SPATA13: variants seen among roughly 807,000 people sequenced by gnomAD.
The protein encoded by SPATA13 is spermatogenesis-associated protein 13.
A neutral mutation model predicts 104.0 loss-of-function variants in SPATA13; 50 were observed. The observed-to-expected ratio is 0.48, with a 90% CI of 0.38 to 0.61. SPATA13 has a LOEUF of 0.61. Among genes scored for constraint, SPATA13 ranks in the 20% least tolerant of loss-of-function variants. SPATA13 has a pLI of 0.00. For synonymous variants in SPATA13, 606 were observed against 667.5 expected (o/e 0.91, Z 1.42); for missense variants, 1,524 against 1,690.6 (o/e 0.90, Z 1.73).
intron 11 of SPATA13, among the ~76,000 whole-genome samples, chr13:24,298,233 T>C (rs1190421127): frequency 6.6e-6 from 1 of 152,234 alleles, no homozygotes; most frequent in Non-Finnish European, 1.5e-5. Context: ...CACGTGATTC[T>C]GGAGGCCTCC....
intron 1 of SPATA13, among the ~76,000 whole-genome samples, chr13:23,981,503 C>T (rs967595757): frequency 3.9e-5 from 6 of 152,088 alleles, no homozygotes; most frequent in African/African-American, 1.2e-4. Context: ...TTTCGGGAGC[C>T]GGAAATGCTA....
At chr13:24,074,288 G>T (rs1432391985) in intron 3 of SPATA13, among the ~76,000 whole-genome samples, 1 of 152,152 alleles carries the variant, frequency 6.6e-6, no homozygotes, top group African/African-American at 2.4e-5. Flanking sequence ...TTTGTAACAG[G>T]TTTATTTAAC....
chr13:24,236,800 A>G (rs112781865), intron 2 of SPATA13, among the ~76,000 whole-genome samples: 56 of 152,238 alleles, frequency 3.7e-4, no homozygotes, highest in African/African-American at 1.2e-3. Context: ...GGAAAATAAA[A>G]TGATGGTACG....
intron 1 of SPATA13, 109 bp from the exon 2 acceptor site, chr13:24,222,710 A>T (rs1871660020): frequency 1.1e-6 from 1 of 885,140 alleles, no homozygotes; most frequent in Non-Finnish European, 1.7e-6. Context: ...TTGAGTTTGA[A>T]GTAGCTTTCA....
intron 2 of SPATA13, among the ~76,000 whole-genome samples, chr13:24,015,913 T>G (rs1001223246): frequency 3.3e-5 from 5 of 152,168 alleles, no homozygotes; most frequent in Admixed American, 2.6e-4. Context: ...CCTCAGGCAG[T>G]GGGATTTGAG....
chr13:24,284,718 T>C (rs1479613018), intron 5 of SPATA13, among the ~76,000 whole-genome samples: 3 of 152,120 alleles, frequency 2.0e-5, no homozygotes, highest in Non-Finnish European at 2.9e-5. Context: ...GGAAAATATA[T>C]GGGATTAAGC....
At position 24,277,822 on chromosome 13, in the gene SPATA13, G is replaced by A. The variant is rs1034552102; in HGVS notation, c.2165-6313G>A. 4.5e-4 allele frequency among the ~76,000 whole-genome samples: 69 copies of A among 152,292 alleles called. 2 individuals carry two copies. The highest frequency in any genetic ancestry group is 4.1e-4 in the South Asian group (2 of 4,824). On this transcript the variant is annotated intron_variant, in intron 4 of 12. Coordinates refer to ENST00000382108, the MANE Select transcript of SPATA13 (RefSeq NM_001166271.3). Reference sequence around the variant, plus strand: ...ATGGTAAGCGACCTAGACAGTAAGCGTGGGGAATCATAGAAAACCACCAGG... The same window carrying A: ...ATGGTAAGCGACCTAGACAGTAAGCATGGGGAATCATAGAAAACCACCAGG...
intron 2 of SPATA13, among the ~76,000 whole-genome samples, chr13:24,237,174 G>GTT (rs1872613764): frequency 6.6e-6 from 1 of 151,890 alleles, no homozygotes; most frequent in Non-Finnish European, 1.5e-5. Flanking sequence ...TGGCCAACAT[G>GTT]GTGAAACCCC....
chr13:24,023,439 A>G (rs1476513128), intron 3 of SPATA13, among the ~76,000 whole-genome samples: 1 of 152,162 alleles, frequency 6.6e-6, no homozygotes, highest in African/African-American at 2.4e-5. Flanking sequence ...GTAGGGAATA[A>G]TGCAGGTTGT....
chr13:24,281,388 T>C (rs988046318), intron 4 of SPATA13, among the ~76,000 whole-genome samples: 9 of 152,050 alleles, frequency 5.9e-5, no homozygotes, highest in African/African-American at 2.2e-4. Context: ...CACCATGCAC[T>C]CAGAGCCTGG....
chr13:24,165,464 G>A (rs1031354173), intron 1 of SPATA13, among the ~76,000 whole-genome samples: 2 of 152,144 alleles, frequency 1.3e-5, no homozygotes, highest in African/African-American at 2.4e-5. Flanking sequence ...TAGAGCACAG[G>A]TCCGAAATGG....
chr13:24,102,105 G>A (rs551368197), intron 3 of SPATA13, among the ~76,000 whole-genome samples: 42 of 152,268 alleles, frequency 2.8e-4, no homozygotes, highest in African/African-American at 8.4e-4. Context: ...CTAACAGCGC[G>A]TAGGGTTCCA....
intron 3 of SPATA13, among the ~76,000 whole-genome samples, chr13:24,040,543 G>C (rs759097566): frequency 6.6e-6 from 1 of 152,154 alleles, no homozygotes; most frequent in Non-Finnish European, 1.5e-5. Context: ...CCAGGACACT[G>C]TGGACATTGG....
chr13:24,147,278 C>A (rs7983014), intron 3 of SPATA13, among the ~76,000 whole-genome samples: 2,853 of 152,230 alleles, frequency 0.019, 88 homozygotes, highest in African/African-American at 0.065. Flanking sequence ...AGAATGATGA[C>A]CGTATTGAGT....
rs555014213 is a variant in SPATA13, at chr13:23,994,465, A to G, written c.-147+10532A>G. 1.6e-4 allele frequency among the ~76,000 whole-genome samples: 24 copies of G among 152,326 alleles called. No individual in the cohort carries two copies. In the South Asian group the frequency reaches 4.8e-3, roughly 30 times the overall value. On this transcript the variant is annotated intron_variant, in intron 2 of 14. Coordinates refer to the SPATA13 transcript ENST00000424834. ...AACAAGGGCAGAACTTTCTGTTAGA[A>G]TAGAAGCAGAGGTGTTGGGGAGGAG...
At chr13:24,137,310 C>T (rs902646370) in intron 3 of SPATA13, among the ~76,000 whole-genome samples, 4 of 152,144 alleles carry the variant, frequency 2.6e-5, no homozygotes, top group African/African-American at 9.7e-5. Context: ...GGGGCCTGCT[C>T]CTGGCTGGGC....
chr13:24,218,639 A>G (rs1333610091), intron 1 of SPATA13, among the ~76,000 whole-genome samples: 1 of 151,986 alleles, frequency 6.6e-6, no homozygotes, highest in East Asian at 1.9e-4. Flanking sequence ...CGCAGGCTGC[A>G]TGTGGCCCAG....
intron 3 of SPATA13, chr13:24,121,961 T>C: frequency 2.6e-6 from 2 of 774,648 alleles, no homozygotes; most frequent in Non-Finnish European, 4.5e-6. Context: ...GTCCATCTAT[T>C]CATCATTAGT....
At chr13:24,259,658 C>T (rs921623711) in intron 4 of SPATA13, among the ~76,000 whole-genome samples, 2 of 152,180 alleles carry the variant, frequency 1.3e-5, no homozygotes, top group Admixed American at 6.6e-5. Context: ...TGTAAAACCT[C>T]ATCAGCTCAA....
Sources: allele counts gnomAD v4.1 joint callset (sites outside exome capture counted in the v4.1 genomes callset), GRCh38; gene constraint gnomAD v4.1.1; transcripts MANE v1.5; gene names NCBI Gene and HGNC (gene_info 2026-07-23, HGNC 2026-07-21).